Variants in KHDRBS2 observed in about 807,000 individuals in gnomAD.
The protein encoded by KHDRBS2 is KH RNA binding domain containing, signal transduction associated 2.
A neutral mutation model predicts 44.3 loss-of-function variants in KHDRBS2; 26 were observed. That is an observed-to-expected ratio of 0.59 (90% CI 0.43 to 0.81). The LOEUF (loss-of-function observed/expected upper bound fraction) is 0.81, where lower values mean the gene tolerates loss of function less well. Ranked by LOEUF, KHDRBS2 falls within the 40% of genes least tolerant of loss-of-function variation. KHDRBS2 has a pLI of 0.00. For synonymous variants in KHDRBS2, 194 were observed against 151.1 expected (o/e 1.28, Z -2.08); for missense variants, 476 against 433.1 (o/e 1.10, Z -0.88).
At chr6:61,775,062 G>A (rs925626220) in intron 6 of KHDRBS2, among the ~76,000 whole-genome samples, 1 of 152,114 alleles carries the variant, frequency 6.6e-6, no homozygotes, top group Non-Finnish European at 1.5e-5. Context: ...CTCAAGAGAT[G>A]CAGAAAAGAC....
chr6:61,729,803 T>C (rs1463404378), intron 7 of KHDRBS2, among the ~76,000 whole-genome samples: 3 of 152,198 alleles, frequency 2.0e-5, no homozygotes, highest in African/African-American at 7.2e-5. Flanking sequence ...ATTTATCTGA[T>C]TCTAAAGTTT....
intron 2 of KHDRBS2, among the ~76,000 whole-genome samples, chr6:62,131,680 A>C (rs1390153463): frequency 6.6e-6 from 1 of 152,152 alleles, no homozygotes; most frequent in Non-Finnish European, 1.5e-5. Context: ...TGGGGTCCTA[A>C]TTGGCTGAAC....
the KHDRBS2 span, among the ~76,000 whole-genome samples, chr6:61,550,936 C>G: frequency 6.6e-6 from 1 of 151,742 alleles, no homozygotes; most frequent in Non-Finnish European, 1.5e-5. Flanking sequence ...CCACGCCTGG[C>G]CAATTTTTGT....
At chr6:62,187,370 G>A (rs1823659340) in intron 1 of KHDRBS2, among the ~76,000 whole-genome samples, 1 of 151,830 alleles carries the variant, frequency 6.6e-6, no homozygotes, top group Non-Finnish European at 1.5e-5. Flanking sequence ...ATTATTTATT[G>A]AAGGCCTACT....
intron 1 of KHDRBS2, among the ~76,000 whole-genome samples, chr6:62,252,336 A>T (rs767507811): frequency 2.6e-5 from 4 of 152,022 alleles, no homozygotes; most frequent in Non-Finnish European, 5.9e-5. Context: ...ATCCGTTAAG[A>T]TCAATTTTAT....
At chr6:62,128,786 A>G (rs888885076) in intron 2 of KHDRBS2, among the ~76,000 whole-genome samples, 4 of 152,040 alleles carry the variant, frequency 2.6e-5, no homozygotes, top group African/African-American at 9.7e-5. Flanking sequence ...AAACAATTAC[A>G]ACGACACAAT....
intron 2 of KHDRBS2, among the ~76,000 whole-genome samples, chr6:62,074,987 TTC>T: frequency 6.6e-6 from 1 of 151,970 alleles, no homozygotes; most frequent in Non-Finnish European, 1.5e-5. Flanking sequence ...TGATTAGTTA[TTC>T]TCTCTTTAGT....
chr6:61,609,731 T>A, the KHDRBS2 span, among the ~76,000 whole-genome samples: 581 of 152,334 alleles, frequency 3.8e-3, 4 homozygotes, highest in Middle Eastern at 0.014. Context: ...GTAGAAGTCA[T>A]ATAAATAATC....
At chr6:62,044,943 C>T (rs1476262105) in intron 3 of KHDRBS2, among the ~76,000 whole-genome samples, 3 of 152,076 alleles carry the variant, frequency 2.0e-5, no homozygotes, top group Non-Finnish European at 4.4e-5. Flanking sequence ...GGACATATTA[C>T]ATTTCAATGC....
intron 2 of KHDRBS2, among the ~76,000 whole-genome samples, chr6:62,108,536 T>A (rs1804117946): frequency 6.6e-6 from 1 of 152,166 alleles, no homozygotes; most frequent in East Asian, 1.9e-4. Context: ...GAAGTCAGTG[T>A]GGCGATTCCT....
At chr6:62,103,754 C>G (rs1018744419) in intron 2 of KHDRBS2, among the ~76,000 whole-genome samples, 6 of 152,188 alleles carry the variant, frequency 3.9e-5, no homozygotes, top group Admixed American at 2.0e-4. Flanking sequence ...GTGGCCCCTC[C>G]AGGCAGGCTG....
intron 2 of KHDRBS2, among the ~76,000 whole-genome samples, chr6:62,116,743 T>C (rs1271488506): frequency 2.0e-5 from 3 of 152,150 alleles, no homozygotes; most frequent in African/African-American, 7.2e-5. Context: ...AATGCCAGTC[T>C]CTCTTCATTT....
Position 62,054,248 on chromosome 6 carries a change from A to G in KHDRBS2, c.220-6254T>C, listed in dbSNP as rs185696551. Among the ~76,000 whole-genome samples the G allele has an allele frequency of 1.8e-3, 276 of 152,204 alleles. 10 individuals carry two copies. The South Asian group carries it at 0.052, about 29-fold the overall frequency. On this transcript the variant is annotated intron_variant, in intron 2 of 8. Coordinates refer to ENST00000281156, the MANE Select transcript of KHDRBS2 (RefSeq NM_152688.4). ...TTCAGAAGCAAAAGAACAAGTCAAG[A>G]ACTATTCCTTCCACATATCAAGATT...
At chr6:61,784,306 T>C (rs1783457190) in intron 6 of KHDRBS2, among the ~76,000 whole-genome samples, 1 of 151,740 alleles carries the variant, frequency 6.6e-6, no homozygotes, top group South Asian at 2.1e-4. Context: ...ATTGGATAAG[T>C]TTAAAAAATT....
intron 1 of KHDRBS2, among the ~76,000 whole-genome samples, chr6:62,276,430 C>A (rs1466196328): frequency 6.6e-6 from 1 of 152,122 alleles, no homozygotes; most frequent in Non-Finnish European, 1.5e-5. Context: ...GTAAGCAGTT[C>A]TCTAAAAAAT....
intron 6 of KHDRBS2, among the ~76,000 whole-genome samples, chr6:61,776,272 A>G (rs890255455): frequency 6.6e-6 from 1 of 152,188 alleles, no homozygotes; most frequent in Non-Finnish European, 1.5e-5. Flanking sequence ...AATGGCAACA[A>G]AAGCCAAAAT....
the KHDRBS2 span, among the ~76,000 whole-genome samples, chr6:61,660,179 A>G: frequency 6.6e-6 from 1 of 151,968 alleles, no homozygotes; most frequent in South Asian, 2.1e-4. Context: ...CGTAACTGAC[A>G]GTGAATTCCA....
the KHDRBS2 span, among the ~76,000 whole-genome samples, chr6:61,626,975 C>T: frequency 8.6e-5 from 13 of 152,018 alleles, no homozygotes; most frequent in Middle Eastern, 0.01. Context: ...TGGCTGGGGC[C>T]GGGCGCGGTG....
intron 4 of KHDRBS2, among the ~76,000 whole-genome samples, chr6:61,942,241 G>A (rs191344853): frequency 6.6e-6 from 1 of 152,202 alleles, no homozygotes; most frequent in East Asian, 1.9e-4. Context: ...TAATATAGGT[G>A]TGAGCCATCA....
Sources: allele counts gnomAD v4.1 joint callset (sites outside exome capture counted in the v4.1 genomes callset), GRCh38; gene constraint gnomAD v4.1.1; transcripts MANE v1.5; gene names NCBI Gene and HGNC (gene_info 2026-07-23, HGNC 2026-07-21).